Variants in PHLDB2 observed in about 807,000 individuals in gnomAD.
PHLDB2 encodes pleckstrin homology like domain family B member 2.
In PHLDB2, 71 loss-of-function variants were observed where a neutral mutation model predicts 123.6. The ratio of observed to expected loss-of-function variants is 0.57; its 90% CI spans 0.47 to 0.70. The LOEUF is 0.70. PHLDB2 is among the 30% of genes least tolerant of loss of function. The probability of loss-of-function intolerance (pLI) is 0.00; values close to 1 mark genes in which losing one functional copy is unlikely to be tolerated. For missense variants in PHLDB2, 1,446 were observed against 1,519.5 expected, an observed-to-expected ratio of 0.95 and a Z score of 0.80; for synonymous variants, 547 against 541.6, an observed-to-expected ratio of 1.01 and a Z score of -0.14.
intron 1 of PHLDB2, among the ~76,000 whole-genome samples, chr3:111,757,856 TAGAAGTCCACTCC>T (rs1204657708): frequency 5.9e-5 from 9 of 152,176 alleles, no homozygotes; most frequent in Non-Finnish European, 1.3e-4. Flanking sequence ...TGGAGTTTGC[TAGAAGTCCACTCC>T]AGACACTGTT....
At chr3:111,826,897 T>C (rs2062678753) in intron 1 of PHLDB2, among the ~76,000 whole-genome samples, 1 of 152,152 alleles carries the variant, frequency 6.6e-6, no homozygotes, top group Non-Finnish European at 1.5e-5. Context: ...GAGAAATTAC[T>C]GCCTCTGCTG....
intron 2 of PHLDB2, among the ~76,000 whole-genome samples, chr3:111,895,622 T>C (rs1032051212): frequency 2.6e-5 from 4 of 152,034 alleles, no homozygotes; most frequent in African/African-American, 9.7e-5. Context: ...CCAAGGCAGG[T>C]AGATCACCTG....
chr3:111,865,687 AGTGT>A (rs1328375161), intron 1 of PHLDB2, among the ~76,000 whole-genome samples: 2 of 152,158 alleles, frequency 1.3e-5, no homozygotes, highest in African/African-American at 4.8e-5. Flanking sequence ...CAGCCTATCC[AGTGT>A]TCTTTCTACT....
At chr3:111,770,016 T>TAA (rs2060147109) in intron 1 of PHLDB2, among the ~76,000 whole-genome samples, 2 of 152,224 alleles carry the variant, frequency 1.3e-5, no homozygotes, top group Non-Finnish European at 2.9e-5. Flanking sequence ...TTTTACCAAA[T>TAA]TTATGTCACT....
At position 111,884,196 on chromosome 3, in the gene PHLDB2, C is replaced by T. The variant is rs749031415; in HGVS notation, c.119C>T (p.Pro40Leu). 28 of 1,614,008 alleles carry T rather than the reference C, an allele frequency of 1.7e-5. No homozygotes were observed. The Admixed American group carries it at 3.5e-4, about 20-fold the overall frequency. The change falls in exon 2 of 18, where the codon CCA becomes CTA. Residue 40 changes from proline to leucine, a missense_variant. Around this residue, in one of 3 missense-constraint regions of PHLDB2, gnomAD observed 832 missense variants for 831.9 expected, o/e 1.00. Transcript: ENST00000431670. ...DSQNMMESLS[P>L]KKYSSSLRFK... ...CAAAACATGATGGAGAGCCTCAGCCCAAAGAAATACTCTTCCAGTCTGAGA... is the reference window on the plus strand; with the variant it reads ...CAAAACATGATGGAGAGCCTCAGCCTAAAGAAATACTCTTCCAGTCTGAGA...
chr3:111,879,600 C>T (rs1009204126), intron 1 of PHLDB2, among the ~76,000 whole-genome samples: 10 of 152,104 alleles, frequency 6.6e-5, no homozygotes, highest in African/African-American at 1.2e-4. Context: ...TGTAACTTTA[C>T]GCCTTTTTGT....
chr3:111,914,404 A>G (rs2068052674), intron 3 of PHLDB2: 1 of 152,146 alleles, frequency 6.6e-6, no homozygotes, highest in African/African-American at 2.4e-5. Flanking sequence ...AAAAGAGTCT[A>G]TATATCCAGG....
chr3:111,853,511 G>T (rs1039143729), intron 2 of PHLDB2, among the ~76,000 whole-genome samples: 1 of 152,120 alleles, frequency 6.6e-6, no homozygotes, highest in Non-Finnish European at 1.5e-5. Flanking sequence ...AAACTACTCT[G>T]CTGGGTGTTC....
At chr3:111,830,586 G>A (rs2062905575) in intron 1 of PHLDB2, among the ~76,000 whole-genome samples, 2 of 149,448 alleles carry the variant, frequency 1.3e-5, no homozygotes, top group African/African-American at 4.9e-5. Context: ...GAGGCGGGCG[G>A]ATCACGAGGT....
At chr3:111,859,057 TAGCTC>T, upstream of PHLDB2, 1 of 416,860 alleles carries the variant, frequency 2.4e-6, no homozygotes, top group Non-Finnish European at 3.2e-6. Flanking sequence ...CCCCAGTCCT[TAGCTC>T]AGGCCGTTCT....
intron 1 of PHLDB2, among the ~76,000 whole-genome samples, chr3:111,807,554 T>C (rs1020448287): frequency 1.3e-5 from 2 of 151,994 alleles, no homozygotes; most frequent in Non-Finnish European, 2.9e-5. Context: ...ACCCCATCTC[T>C]ACAAAAAAAT....
chr3:111,759,531 CAT>C (rs551416428), intron 1 of PHLDB2, among the ~76,000 whole-genome samples: 63 of 152,272 alleles, frequency 4.1e-4, no homozygotes, highest in South Asian at 2.3e-3. Flanking sequence ...TACACACACA[CAT>C]ATGTATGTAT....
Position 111,894,563 on chromosome 3 carries a change from CCAACAT to C in PHLDB2, c.1335+9153_1335+9158del, listed in dbSNP as rs2066707857. 2.6e-5 allele frequency among the ~76,000 whole-genome samples: 4 copies of C among 151,754 alleles called. No individual in the cohort carries two copies. In the South Asian group the frequency reaches 8.4e-4, roughly 32 times the overall value. On this transcript the variant is annotated intron_variant, in intron 2 of 17. Transcript: ENST00000431670. Reference sequence around the variant, plus strand: ...GTGTTCCTATTTCTCCACATCCTCTCCAACATCTGTTGTTTCCTGACTTTTTAATGA... The same window carrying C: ...GTGTTCCTATTTCTCCACATCCTCTCCTGTTGTTTCCTGACTTTTTAATGA...
chr3:111,818,867 G>A (rs2108385607), intron 1 of PHLDB2, among the ~76,000 whole-genome samples: 1 of 152,064 alleles, frequency 6.6e-6, no homozygotes, highest in East Asian at 1.9e-4. Context: ...TTCATTCCAT[G>A]AGTTTTGTTA....
rs966450355 is a variant in PHLDB2 at position 111,939,552 on chromosome 3, A to G, written c.2208A>G (p.Leu736=). The G allele has an allele frequency of 2.5e-6, 4 of 1,613,940 alleles. No homozygotes were observed. The highest frequency in any genetic ancestry group is 3.4e-6 in the Non-Finnish European group (4 of 1,179,948). Residue 736 remains leucine (L), a synonymous_variant, in exon 7 of 18, where the codon CTA becomes CTG. Transcript: ENST00000431670. ...EFQQLEHESR[L]DEEKENLTQQ... is the part of the protein sequence containing the mutation. ...AGCAGCTTGAACATGAGAGCCGTCT[A>G]GATGAAGAAAAGGAGAACTTGACTC...
chr3:111,734,710 A>G (rs1941626528), intron 1 of PHLDB2, among the ~76,000 whole-genome samples: 1 of 152,236 alleles, frequency 6.6e-6, no homozygotes, highest in African/African-American at 2.4e-5. Context: ...GCCCAAAATC[A>G]TGCAATTAGT....
chr3:111,832,461 C>T (rs561403720), intron 1 of PHLDB2, among the ~76,000 whole-genome samples: 1 of 151,164 alleles, frequency 6.6e-6, no homozygotes, highest in South Asian at 2.1e-4. Flanking sequence ...TTCCCACATC[C>T]TTCCATCCCC....
At chr3:111,861,033 C>A (rs1220978119) in intron 1 of PHLDB2, among the ~76,000 whole-genome samples, 1 of 152,112 alleles carries the variant, frequency 6.6e-6, no homozygotes, top group Non-Finnish European at 1.5e-5. Flanking sequence ...CGTTTGAATT[C>A]GGCTGGGAGA....
In PHLDB2 at chr3:111,831,030, A is replaced by AAAGGAAGAAAGG. The variant is rs2062997834; in HGVS notation, c.-48-14784_-48-14783insAAAGGAAGGAAG. On this transcript the variant is annotated intron_variant, in intron 1 of 17. Transcript: ENST00000393923. ...GAAAGAAAGAAAGAAAGAAAGAAAG[A>AAAGGAAGAAAGG]AAGGAAGGAAGGAAGAAAGAGAAAA... Among the ~76,000 whole-genome samples the AAAGGAAGAAAGG allele has an allele frequency of 2.8e-5, 2 of 72,012 alleles. 1 individual carries two copies. Among genetic ancestry groups the AAAGGAAGAAAGG allele is most frequent in the Non-Finnish European group, 5.8e-5 (2 of 34,302 alleles). 47.2% of individuals were successfully genotyped at this position (72,012 alleles called of 152,430 possible).
Sources: gnomAD v4.1 joint callset for allele counts (sites outside exome capture counted in the v4.1 genomes callset) on GRCh38, gnomAD v4.1.1 for gene constraint, gnomAD v4.1.1 regional missense constraint, MANE v1.5 for transcripts, NCBI Gene and HGNC (gene_info 2026-07-23, HGNC 2026-07-21) for gene names.